The following CTNNA2 variants were observed in gnomAD, a reference collection of about 807,000 sequenced individuals.
CTNNA2 encodes the protein catenin alpha-2.
A neutral mutation model predicts 101.0 loss-of-function variants in CTNNA2; 42 were observed. The ratio of observed to expected loss-of-function variants is 0.42; its 90% confidence interval spans 0.32 to 0.54. CTNNA2 has a LOEUF of 0.54. CTNNA2 is among the 20% of genes least tolerant of loss of function. The pLI, the probability that CTNNA2 is intolerant of heterozygous loss-of-function variation, is 0.14. For missense variants in CTNNA2, 871 were observed against 1,223.1 expected, an observed-to-expected ratio of 0.71 and a Z score of 4.29; for synonymous variants, 450 against 456.4, an observed-to-expected ratio of 0.99 and a Z score of 0.18.
rs1389643737 is a variant in CTNNA2, at chr2:79,339,874, G to A, written c.-318+27078G>A. The A allele has an allele frequency of 3.3e-5, 5 of 152,186 alleles. No individual in the cohort carries two copies. The East Asian group carries it at 9.6e-4, about 29-fold the overall frequency. The allele number at this position is 152,186 out of a possible 1,614,324, so 9.4% of individuals were successfully genotyped here. A position where few individuals can be genotyped will look rare whatever the true frequency, so the allele number is the denominator to read the frequency against. ...CAAACTCATACAAGGTGATTTTACA[G>A]GTTTTAGAAAGACCTTCTGTTTCAA... On this transcript the variant is annotated intron_variant, in intron 3 of 21. Transcript: ENST00000466387.
intron 8 of CTNNA2, among the ~76,000 whole-genome samples, chr2:80,412,895 A>G (rs919701083): frequency 1.3e-5 from 2 of 152,146 alleles, no homozygotes; most frequent in African/African-American, 4.8e-5. Context: ...CCTAACGTTG[A>G]ATGAGCCTTT....
Position 79,369,245 on chromosome 2 carries a change from C to T in CTNNA2, c.-317-4586C>T, listed in dbSNP as rs565017434. On this transcript the variant is annotated intron_variant, in intron 3 of 21. Transcript: ENST00000466387. Reference sequence around the variant, plus strand: ...TAAAAACAAGAGCCATTTTTAGATTCAGCATTTCCTGGGGAGAACAATTCC... The same window carrying T: ...TAAAAACAAGAGCCATTTTTAGATTTAGCATTTCCTGGGGAGAACAATTCC... Among the ~76,000 whole-genome samples the T allele has an allele frequency of 2.6e-3, 397 of 152,256 alleles. 4 individuals carry two copies. Among genetic ancestry groups the T allele is most frequent in the Non-Finnish European group, 3.2e-3 (221 of 68,014 alleles).
At chr2:79,283,286 T>G (rs1319001720) in intron 2 of CTNNA2, among the ~76,000 whole-genome samples, 134 of 111,586 alleles carry the variant, frequency 1.2e-3, no homozygotes, top group Middle Eastern at 4.2e-3. Flanking sequence ...GTCAATTTTG[T>G]CTTTTGTTGC....
chr2:79,216,718 C>A (rs1674266040), intron 2 of CTNNA2, among the ~76,000 whole-genome samples: 1 of 148,070 alleles, frequency 6.8e-6, no homozygotes, highest in South Asian at 2.1e-4. Context: ...GGTTCTTGCC[C>A]CCTAGAAAAG....
chr2:79,899,936 G>A (rs1009468091), intron 6 of CTNNA2, among the ~76,000 whole-genome samples: 1 of 152,100 alleles, frequency 6.6e-6, no homozygotes, highest in Admixed American at 6.5e-5. Flanking sequence ...GGGAAAGCTT[G>A]GCACAGAATG....
chr2:79,319,602 G>A (rs1007629429), intron 3 of CTNNA2: 9 of 151,752 alleles, frequency 5.9e-5, no homozygotes, highest in African/African-American at 2.2e-4. Context: ...ATATATTAGG[G>A]AAGTAAGATA....
intron 4 of CTNNA2, among the ~76,000 whole-genome samples, chr2:79,478,574 T>C (rs1361513039): frequency 2.6e-5 from 4 of 152,160 alleles, no homozygotes; most frequent in African/African-American, 4.8e-5. Context: ...GCAGCTTATG[T>C]TACTTACCCA....
intron 7 of CTNNA2, among the ~76,000 whole-genome samples, chr2:80,050,441 T>A (rs912090694): frequency 5.9e-5 from 9 of 152,134 alleles, no homozygotes; most frequent in Middle Eastern, 3.2e-3. Context: ...CCCCTTGCAG[T>A]GTATTTACAA....
At chr2:80,424,747 T>A (rs1326378904) in intron 9 of CTNNA2, among the ~76,000 whole-genome samples, 1 of 152,254 alleles carries the variant, frequency 6.6e-6, no homozygotes, top group African/African-American at 2.4e-5. Context: ...CCCCAATTTT[T>A]GTTTTTTAAC....
At chr2:79,290,426 C>G (rs981211052) in intron 2 of CTNNA2, among the ~76,000 whole-genome samples, 6 of 152,116 alleles carry the variant, frequency 3.9e-5, no homozygotes, top group African/African-American at 1.2e-4. Context: ...GGCCCTGTGC[C>G]CACGGACCTA....
At chr2:80,306,914 G>A (rs1266057593) in intron 7 of CTNNA2, among the ~76,000 whole-genome samples, 1 of 152,172 alleles carries the variant, frequency 6.6e-6, no homozygotes, top group East Asian at 1.9e-4. Flanking sequence ...GTGCAGAGAG[G>A]CAGAAGAGTT....
intron 7 of CTNNA2, among the ~76,000 whole-genome samples, chr2:80,330,297 A>G (rs982294488): frequency 2.6e-5 from 4 of 152,208 alleles, no homozygotes; most frequent in African/African-American, 4.8e-5. Context: ...CGTCAATTAC[A>G]TGACAAAGCA....
At chr2:79,354,278 T>G (rs534367751) in intron 3 of CTNNA2, among the ~76,000 whole-genome samples, 1 of 152,298 alleles carries the variant, frequency 6.6e-6, no homozygotes, top group South Asian at 2.1e-4. Context: ...TTTTCCAACT[T>G]GCTTATTCTC....
intron 7 of CTNNA2, among the ~76,000 whole-genome samples, chr2:80,149,659 T>C (rs1051365001): frequency 1.3e-5 from 2 of 152,086 alleles, no homozygotes; most frequent in African/African-American, 4.8e-5. Flanking sequence ...ACTAAGGAGA[T>C]TGCCTGTGTA....
chr2:80,453,242 G>A (rs1683668976), intron 9 of CTNNA2, among the ~76,000 whole-genome samples: 1 of 152,154 alleles, frequency 6.6e-6, no homozygotes, highest in African/African-American at 2.4e-5. Context: ...AGGTTGAGCA[G>A]GCTGAGTACT....
At chr2:80,436,726 T>C (rs887971161) in intron 9 of CTNNA2, among the ~76,000 whole-genome samples, 1 of 152,160 alleles carries the variant, frequency 6.6e-6, no homozygotes, top group African/African-American at 2.4e-5. Context: ...GATGGAGGCT[T>C]CTTGCTGTCT....
At chr2:80,287,643 C>T (rs952745912) in intron 7 of CTNNA2, among the ~76,000 whole-genome samples, 1 of 152,140 alleles carries the variant, frequency 6.6e-6, no homozygotes, top group Admixed American at 6.6e-5. Flanking sequence ...CCTTGAAAGT[C>T]GAATTTTTAA....
At chr2:80,220,267 A>G (rs1708502131) in intron 7 of CTNNA2, among the ~76,000 whole-genome samples, 1 of 152,234 alleles carries the variant, frequency 6.6e-6, no homozygotes, top group South Asian at 2.1e-4. Flanking sequence ...CTCTCTCCCC[A>G]GTCTCCTGGA....
Position 79,956,843 on chromosome 2 carries a change from G to GTTTTTTTTTTCTTT in CTNNA2, c.1056+47056_1056+47057insCTTTTTTTTTTTTT, listed in dbSNP as rs1302247404. On this transcript the variant is annotated intron_variant, in intron 7 of 18. Transcript: ENST00000402739. ...TTTCATTTACTATGAATACGTGTGGGTTTTTTTTTTTTTTTTTTTTTTTTT... is the reference window on the plus strand; with the variant it reads ...TTTCATTTACTATGAATACGTGTGGGTTTTTTTTTTCTTTTTTTTTTTTTTTTTTTTTTTTTTTT... Among the ~76,000 whole-genome samples the GTTTTTTTTTTCTTT allele has an allele frequency of 3.6e-3, 352 of 98,890 alleles. 17 individuals carry two copies. The highest frequency in any genetic ancestry group is 4.7e-3 in the African/African-American group (100 of 21,344). 64.9% of individuals were successfully genotyped at this position (98,890 alleles called of 152,430 possible). A position where few individuals can be genotyped will look rare whatever the true frequency, so the allele number is the denominator to read the frequency against.
Sources: gnomAD v4.1 joint callset for allele counts (sites outside exome capture counted in the v4.1 genomes callset) on GRCh38, gnomAD v4.1.1 for gene constraint, MANE v1.5 for transcripts, NCBI Gene and HGNC (gene_info 2026-07-23, HGNC 2026-07-21) for gene names.